The following DPP6 variants were observed in gnomAD, a reference collection of about 807,000 sequenced individuals.
The protein encoded by DPP6 is dipeptidyl peptidase like 6.
DPP6 carries 69 observed loss-of-function variants against 122.6 expected under a neutral mutation model. That is an observed-to-expected ratio of 0.56 (90% confidence interval 0.46 to 0.69). The LOEUF is 0.69. Among genes scored for constraint, DPP6 ranks in the 30% least tolerant of loss-of-function variants. DPP6 has a pLI of 0.00. For synonymous variants in DPP6, 418 were observed against 433.1 expected (o/e 0.97, Z 0.43); for missense variants, 928 against 1,116.9 (o/e 0.83, Z 2.41).
At chr7:154,036,716 A>C (rs1799555052) in intron 1 of DPP6, among the ~76,000 whole-genome samples, 1 of 151,692 alleles carries the variant, frequency 6.6e-6, no homozygotes, top group Non-Finnish European at 1.5e-5. Context: ...TTCTTCTAGG[A>C]AGTGGGATTT....
chr7:154,561,253 C>A (rs1056377369), intron 4 of DPP6, among the ~76,000 whole-genome samples: 4 of 152,098 alleles, frequency 2.6e-5, no homozygotes, highest in Non-Finnish European at 5.9e-5. Flanking sequence ...CCAAGTCAAC[C>A]GAATTGACAT....
chr7:154,796,055 G>A, intron 12 of DPP6, 172 bp downstream of exon 12: 1 of 1,103,894 alleles, frequency 9.1e-7, no homozygotes, highest in Non-Finnish European at 1.2e-6. Flanking sequence ...CGTTCTCCAG[G>A]GTTGCCCAGA....
chr7:153,831,002 G>A, the DPP6 span, among the ~76,000 whole-genome samples: 1 of 151,850 alleles, frequency 6.6e-6, no homozygotes, highest in African/African-American at 2.4e-5. Flanking sequence ...ATCACATCAG[G>A]GAAAAAGGAA....
the DPP6 span, among the ~76,000 whole-genome samples, chr7:153,835,182 T>G: frequency 6.6e-6 from 1 of 152,234 alleles, no homozygotes; most frequent in Admixed American, 6.5e-5. Context: ...TCCTTTGTAA[T>G]ATAATTTTTA....
intron 16 of DPP6, among the ~76,000 whole-genome samples, chr7:154,852,634 A>G (rs1161300148): frequency 2.0e-5 from 3 of 152,154 alleles, no homozygotes; most frequent in Admixed American, 1.3e-4. Context: ...ACCCTTCTCA[A>G]TGCAGAAAAC....
intron 2 of DPP6, among the ~76,000 whole-genome samples, chr7:154,453,653 A>G (rs1280386284): frequency 6.6e-6 from 1 of 151,982 alleles, no homozygotes; most frequent in Non-Finnish European, 1.5e-5. Context: ...CAGGCCAAAA[A>G]AGCAGAATGC....
chr7:154,834,508 AAAAAC>A (rs1436988295), intron 16 of DPP6, among the ~76,000 whole-genome samples: 38 of 138,484 alleles, frequency 2.7e-4, no homozygotes, highest in East Asian at 1.4e-3. Context: ...CAAAAACAAA[AAAAAC>A]CAGCTCCCAT....
intron 1 of DPP6, among the ~76,000 whole-genome samples, chr7:153,964,014 G>T (rs1563054092): frequency 6.6e-6 from 1 of 152,082 alleles, no homozygotes; most frequent in Admixed American, 6.5e-5. Context: ...ATTTATTTAT[G>T]AGATGGAGTC....
At chr7:153,944,573 G>T (rs1327598860) in intron 1 of DPP6, among the ~76,000 whole-genome samples, 1 of 152,118 alleles carries the variant, frequency 6.6e-6, no homozygotes, top group Non-Finnish European at 1.5e-5. Flanking sequence ...CAGCACACAA[G>T]GAGGAGGCGG....
chr7:154,027,305 T>G (rs1798995512), intron 1 of DPP6, among the ~76,000 whole-genome samples: 1 of 152,146 alleles, frequency 6.6e-6, no homozygotes, highest in Non-Finnish European at 1.5e-5. Flanking sequence ...TTCTAAACAT[T>G]TTTTTTGGTC....
chr7:154,539,214 A>T (rs1586575721), intron 3 of DPP6, among the ~76,000 whole-genome samples: 1 of 152,146 alleles, frequency 6.6e-6, no homozygotes, highest in African/African-American at 2.4e-5. Flanking sequence ...CTGCCTCTCA[A>T]CCTGCAACCC....
chr7:154,160,611 T>C (rs1796932269), intron 1 of DPP6, among the ~76,000 whole-genome samples: 3 of 152,144 alleles, frequency 2.0e-5, no homozygotes, highest in African/African-American at 7.2e-5. Context: ...TTGGCCCTCA[T>C]TCATGCATGC....
At chr7:153,823,725 A>G in the DPP6 span, among the ~76,000 whole-genome samples, 1 of 151,978 alleles carries the variant, frequency 6.6e-6, no homozygotes, top group African/African-American at 2.4e-5. Flanking sequence ...TAGCCGTTAC[A>G]TGACTATTTA....
chr7:154,587,413 G>A (rs555792078), intron 5 of DPP6: 40 of 582,716 alleles, frequency 6.9e-5, no homozygotes, highest in Admixed American at 2.1e-4. Flanking sequence ...CAATGCTGCC[G>A]CTTTCCACCT....
chr7:154,500,615 G>A (rs535907474), intron 3 of DPP6, among the ~76,000 whole-genome samples: 7 of 152,148 alleles, frequency 4.6e-5, no homozygotes, highest in Middle Eastern at 3.2e-3. Flanking sequence ...TCTCTTGACC[G>A]CTGCCATATG....
chr7:153,796,684 G>T, the DPP6 span, among the ~76,000 whole-genome samples: 7 of 152,250 alleles, frequency 4.6e-5, no homozygotes, highest in Admixed American at 4.6e-4. Context: ...GGGGTGGGTG[G>T]CCTAGAGACT....
the DPP6 span, among the ~76,000 whole-genome samples, chr7:153,752,007 T>C: frequency 7.9e-5 from 12 of 152,204 alleles, no homozygotes; most frequent in African/African-American, 2.9e-4. Flanking sequence ...GATCCTAAGG[T>C]ACCAGTGTCA....
chr7:154,052,312 G>A (rs1305875992), upstream of DPP6: 1 of 152,996 alleles, frequency 6.5e-6, no homozygotes, highest in African/African-American at 2.4e-5. The surrounding 1 kb of genome is among the most constrained non-coding windows in gnomAD (Gnocchi z 4.8). Flanking sequence ...GCGCGGGGAG[G>A]AGGCCGGTGG....
At chr7:153,982,126 C>A (rs1163893874) in intron 1 of DPP6, among the ~76,000 whole-genome samples, 1 of 151,982 alleles carries the variant, frequency 6.6e-6, no homozygotes, top group Non-Finnish European at 1.5e-5. Context: ...TGGATAATAT[C>A]CTGAAGTGTG....
Sources: gnomAD v4.1 joint callset for allele counts (sites outside exome capture counted in the v4.1 genomes callset) on GRCh38, gnomAD v4.1.1 for gene constraint, Gnocchi (gnomAD v3.1) non-coding constraint, MANE v1.5 for transcripts, NCBI Gene and HGNC (gene_info 2026-07-23, HGNC 2026-07-21) for gene names.